The following CCSER1 variants were observed in gnomAD, a reference collection of about 807,000 sequenced individuals.
CCSER1 encodes the protein serine-rich coiled-coil domain-containing protein 1.
In CCSER1, 41 loss-of-function variants were observed where a neutral mutation model predicts 82.0. The observed-to-expected ratio is 0.50, with a 90% CI of 0.39 to 0.65. CCSER1 has a LOEUF of 0.65. CCSER1 is among the 30% of genes least tolerant of loss of function. CCSER1 has a pLI of 0.00. For missense variants in CCSER1, 1,119 were observed against 1,064.2 expected, an observed-to-expected ratio of 1.05 and a Z score of -0.72; for synonymous variants, 414 against 383.9, an observed-to-expected ratio of 1.08 and a Z score of -0.92.
At chr4:90,972,860 T>A (rs1444444764) in intron 9 of CCSER1, among the ~76,000 whole-genome samples, 2 of 151,724 alleles carry the variant, frequency 1.3e-5, no homozygotes, top group Non-Finnish European at 2.9e-5. Context: ...TTCTCCACAT[T>A]TGTAGTCAAC....
chr4:90,852,767 A>G (rs1373767709), intron 8 of CCSER1, among the ~76,000 whole-genome samples: 5 of 152,234 alleles, frequency 3.3e-5, no homozygotes, highest in African/African-American at 1.2e-4. Flanking sequence ...AATCCTTGTT[A>G]CAAGCAAATA....
At chr4:90,344,194 T>C (rs562663018) in intron 3 of CCSER1, among the ~76,000 whole-genome samples, 2 of 152,322 alleles carry the variant, frequency 1.3e-5, no homozygotes, top group Non-Finnish European at 2.9e-5. Flanking sequence ...TCCAGTTCCA[T>C]CCATGTTGTT....
At chr4:90,729,798 C>T (rs1744370933) in intron 7 of CCSER1, among the ~76,000 whole-genome samples, 1 of 152,110 alleles carries the variant, frequency 6.6e-6, no homozygotes, top group Admixed American at 6.5e-5. Flanking sequence ...ATGGCGTGAA[C>T]CCAGGAGGTG....
chr4:91,440,399 G>C lies in CCSER1; in HGVS notation c.2218-158173G>C, dbSNP rs375590671. ...GTAACGAAATGAAGGCAGAAATAAA[G>C]ATGTTCTTTGAAACCAATGAGAACA... On this transcript the variant is annotated intron_variant, in intron 10 of 10. Coordinates refer to ENST00000509176, the MANE Select transcript of CCSER1 (RefSeq NM_001145065.2). Among the ~76,000 whole-genome samples the C allele has an allele frequency of 9.9e-5, 15 of 152,278 alleles. No homozygotes were observed. The East Asian group carries it at 1.7e-3, about 18-fold the overall frequency.
chr4:90,413,567 A>G (rs1755226298), intron 4 of CCSER1, among the ~76,000 whole-genome samples: 1 of 152,122 alleles, frequency 6.6e-6, no homozygotes, highest in Non-Finnish European at 1.5e-5. Context: ...CCAAAACAGC[A>G]TGGTACTGGT....
intron 9 of CCSER1, among the ~76,000 whole-genome samples, chr4:90,928,121 A>G (rs935957842): frequency 6.6e-6 from 1 of 152,024 alleles, no homozygotes; most frequent in African/African-American, 2.4e-5. Context: ...ATGTATTTAT[A>G]TTTACTTATC....
At chr4:91,268,315 G>T (rs574449194) in intron 10 of CCSER1, among the ~76,000 whole-genome samples, 1 of 152,186 alleles carries the variant, frequency 6.6e-6, no homozygotes, top group East Asian at 1.9e-4. Flanking sequence ...ATTATTGGGG[G>T]GATGTGAGGA....
chr4:90,762,252 A>G (rs1239057698), intron 7 of CCSER1, among the ~76,000 whole-genome samples: 1 of 152,040 alleles, frequency 6.6e-6, no homozygotes, highest in African/African-American at 2.4e-5. Flanking sequence ...TCTCCCTTCT[A>G]TTTGACACTT....
At chr4:90,347,070 G>T (rs1191234286) in intron 3 of CCSER1, among the ~76,000 whole-genome samples, 1 of 151,930 alleles carries the variant, frequency 6.6e-6, no homozygotes, top group Non-Finnish European at 1.5e-5. Flanking sequence ...AAGAAATAAG[G>T]TTATTTTGTT....
At chr4:90,991,737 A>T (rs566300307) in intron 9 of CCSER1, among the ~76,000 whole-genome samples, 3 of 152,126 alleles carry the variant, frequency 2.0e-5, no homozygotes, top group South Asian at 2.1e-4. Flanking sequence ...GGACTTCAAC[A>T]TATCTTTTTA....
intron 1 of CCSER1, among the ~76,000 whole-genome samples, chr4:90,291,037 A>AGTTATCTACAAAGTTG (rs201515190): frequency 6.6e-6 from 1 of 151,176 alleles, no homozygotes; most frequent in African/African-American, 2.5e-5. Context: ...GAATAATTAT[A>AGTTATCTACAAAGTTG]TTCCTTAAAA....
intron 1 of CCSER1, among the ~76,000 whole-genome samples, chr4:90,260,097 T>G (rs964228384): frequency 3.9e-5 from 6 of 152,200 alleles, no homozygotes; most frequent in African/African-American, 1.4e-4. Flanking sequence ...GGTCCTGTAC[T>G]TCTTTTCACT....
chr4:91,430,184 A>G (rs1754209936), intron 10 of CCSER1, among the ~76,000 whole-genome samples: 2 of 152,112 alleles, frequency 1.3e-5, no homozygotes, highest in South Asian at 4.1e-4. Flanking sequence ...AAAATTATAT[A>G]CAATAAGCAT....
intron 10 of CCSER1, among the ~76,000 whole-genome samples, chr4:91,437,417 GAT>G (rs1447402433): frequency 6.6e-6 from 1 of 152,140 alleles, no homozygotes; most frequent in African/African-American, 2.4e-5. Context: ...CGTAATTATA[GAT>G]CAAACAGCTC....
In CCSER1 at chr4:90,493,622, G is replaced by A. The variant is rs193224377; in HGVS notation, c.1724+25268G>A. 9.8e-3 allele frequency among the ~76,000 whole-genome samples: 1,495 copies of A among 152,130 alleles called. 24 individuals are homozygous for A. Among genetic ancestry groups the A allele is most frequent in the African/African-American group, 0.034 (1,418 of 41,520 alleles). On this transcript the variant is annotated intron_variant, in intron 5 of 10. Transcript: ENST00000509176. ...GGATCCAATATTCAACATTCTTAAA[G>A]AAAAAATAATTTTCCACCCAGAATT...
chr4:90,230,846 C>T (rs1339078636), intron 1 of CCSER1, among the ~76,000 whole-genome samples: 2 of 152,202 alleles, frequency 1.3e-5, no homozygotes, highest in Non-Finnish European at 2.9e-5. Context: ...ACAAACACCT[C>T]TACGCAAATA....
chr4:90,616,617 G>A lies in CCSER1; in HGVS notation c.1725-11408G>A, dbSNP rs149008535. Among the ~76,000 whole-genome samples, 5 of 151,288 alleles carry A rather than the reference G, an allele frequency of 3.3e-5. No homozygotes were observed. The South Asian group carries it at 6.3e-4, about 19-fold the overall frequency. On this transcript the variant is annotated intron_variant, in intron 5 of 10. Coordinates refer to ENST00000509176, the MANE Select transcript of CCSER1 (RefSeq NM_001145065.2). ...GGAGAATTGCTTGAACCTGGGAGGC[G>A]GAGGTTGCAGTGAGCCAAGAACAGG...
At chr4:90,797,802 C>G (rs1756247239) in intron 7 of CCSER1, among the ~76,000 whole-genome samples, 2 of 152,138 alleles carry the variant, frequency 1.3e-5, no homozygotes, top group Admixed American at 1.3e-4. Flanking sequence ...TATAGGCCGC[C>G]AATGTCTTTT....
At chr4:90,301,125 G>A (rs539309406) in intron 1 of CCSER1, among the ~76,000 whole-genome samples, 1 of 151,978 alleles carries the variant, frequency 6.6e-6, no homozygotes, top group Non-Finnish European at 1.5e-5. Flanking sequence ...ATGAACCAGT[G>A]AACCCAGAGA....
Sources: gnomAD v4.1 joint callset for allele counts (sites outside exome capture counted in the v4.1 genomes callset) on GRCh38, gnomAD v4.1.1 for gene constraint, MANE v1.5 for transcripts, NCBI Gene and HGNC (gene_info 2026-07-23, HGNC 2026-07-21) for gene names.